NRIP1: variants seen among roughly 807,000 people sequenced by gnomAD.
The protein encoded by NRIP1 is nuclear receptor-interacting protein 1.
A neutral mutation model predicts 75.0 loss-of-function variants in NRIP1; 28 were observed. The ratio of observed to expected loss-of-function variants is 0.37; its 90% CI spans 0.28 to 0.51. The LOEUF is 0.51. Ranked by LOEUF, NRIP1 falls within the 20% of genes least tolerant of loss-of-function variation. NRIP1 has a pLI of 0.92. For missense variants in NRIP1, 1,435 were observed against 1,343.7 expected (o/e 1.07, Z -1.06); for synonymous variants, 526 against 487.6 (o/e 1.08, Z -1.04).
chr21:15,061,519 T>C (rs1331050713), intron 1 of NRIP1, among the ~76,000 whole-genome samples: 1 of 152,126 alleles, frequency 6.6e-6, no homozygotes, highest in African/African-American at 2.4e-5. Context: ...GACTACCATT[T>C]CCTCTTACTA....
intron 2 of NRIP1, among the ~76,000 whole-genome samples, chr21:15,043,057 G>A (rs1223209671): frequency 6.6e-6 from 1 of 152,178 alleles, no homozygotes; most frequent in East Asian, 1.9e-4. Context: ...TCTGATGACA[G>A]ACTGATCCAA....
At chr21:15,045,693 C>T (rs988255632) in intron 1 of NRIP1, among the ~76,000 whole-genome samples, 8 of 152,340 alleles carry the variant, frequency 5.3e-5, no homozygotes, top group African/African-American at 1.2e-4. Context: ...GCATGTAATG[C>T]TGTTTGATAG....
intron 2 of NRIP1, among the ~76,000 whole-genome samples, chr21:15,018,437 A>G (rs2088288224): frequency 6.6e-6 from 1 of 152,198 alleles, no homozygotes; most frequent in African/African-American, 2.4e-5. Context: ...TATTTTACAT[A>G]AAGTGATAAG....
At chr21:14,970,121 A>T (rs1265176305) in intron 3 of NRIP1, among the ~76,000 whole-genome samples, 2 of 152,192 alleles carry the variant, frequency 1.3e-5, no homozygotes, top group Non-Finnish European at 2.9e-5. Flanking sequence ...CTCTGGTTAT[A>T]TTTTACAATT....
At chr21:14,974,473 G>C (rs757525238) in intron 3 of NRIP1, among the ~76,000 whole-genome samples, 16 of 152,138 alleles carry the variant, frequency 1.1e-4, no homozygotes, top group Non-Finnish European at 1.3e-4. Context: ...TAGACTAACA[G>C]CAATTACAAT....
At chr21:14,989,422 G>A (rs1210845544) in intron 3 of NRIP1, among the ~76,000 whole-genome samples, 2 of 152,192 alleles carry the variant, frequency 1.3e-5, no homozygotes, top group Admixed American at 1.3e-4. Context: ...TGAAACTAAA[G>A]TATGCCAATT....
In NRIP1 at chr21:14,965,564, T is replaced by G. The variant is rs759612473; in HGVS notation, c.2629A>C (p.Ile877Leu). Residue 877 changes from isoleucine to leucine, a missense_variant, in exon 4 of 4, where the codon ATT becomes CTT. Ile to Leu is a conservative substitution (Grantham distance 5). Transcript: ENST00000318948. ...CTGTGATTGTTTGCAGCATCAACAA[T>G]GTTGTTTTTCATCTTTTTAAATGGA... The part of the protein sequence containing the change: ...ENPFKKMKNN[I>L]VDAANNHSAP... 6.2e-7 allele frequency: 1 copy of G among 1,614,064 alleles called. No homozygotes were observed. Among genetic ancestry groups the G allele is most frequent in the South Asian group, 1.1e-5 (1 of 91,084 alleles).
chr21:14,966,578 C>T lies in NRIP1; in HGVS notation c.1615G>A (p.Val539Met). 1 of 1,614,092 alleles carries T rather than the reference C, an allele frequency of 6.2e-7. No individual in the cohort carries two copies. Among genetic ancestry groups the T allele is most frequent in the Non-Finnish European group, 8.5e-7 (1 of 1,179,984 alleles). ...CGATTTGTACTGGGGCTTTCTATCA[C>T]AGAAGTCCTTGCATAATTTTGTGTA... ...FNTQNYARTSVIESPSTNRTT... is the reference protein window; with the variant it reads ...FNTQNYARTSMIESPSTNRTT... Residue 539 changes from valine (V) to methionine (M), a missense_variant, in exon 4 of 4, where the codon GTG becomes ATG. Physicochemically the swap from Val to Met is conservative, Grantham distance 21. Transcript: ENST00000318948.
chr21:15,017,838 T>C (rs1267447918), intron 2 of NRIP1, among the ~76,000 whole-genome samples: 2 of 152,254 alleles, frequency 1.3e-5, no homozygotes, highest in Non-Finnish European at 2.9e-5. Flanking sequence ...ACAATGTGTA[T>C]TTGATATTTT....
At chr21:15,010,770 A>AC (rs1395695716) in intron 3 of NRIP1, among the ~76,000 whole-genome samples, 1 of 152,212 alleles carries the variant, frequency 6.6e-6, no homozygotes, top group Non-Finnish European at 1.5e-5. Context: ...GCCTGCCAGC[A>AC]CAAGAGCTCC....
chr21:14,979,957 T>G (rs2087185329), intron 3 of NRIP1, among the ~76,000 whole-genome samples: 1 of 152,216 alleles, frequency 6.6e-6, no homozygotes, highest in South Asian at 2.1e-4. Flanking sequence ...TAATGCTCTC[T>G]CATAATTCCA....
chr21:14,972,194 G>C (rs1425489474), intron 3 of NRIP1, among the ~76,000 whole-genome samples: 1 of 152,116 alleles, frequency 6.6e-6, no homozygotes, highest in Admixed American at 6.5e-5. Context: ...AAGCTCTTCA[G>C]GGAGCAGAGT....
intron 2 of NRIP1, among the ~76,000 whole-genome samples, chr21:15,039,535 T>A (rs1186021527): frequency 2.0e-5 from 3 of 152,072 alleles, no homozygotes; most frequent in Admixed American, 1.3e-4. Context: ...TTGGCAAAAA[T>A]AAACATGAAG....
intron 3 of NRIP1, among the ~76,000 whole-genome samples, chr21:14,978,890 C>A (rs1299794590): frequency 1.3e-5 from 2 of 152,134 alleles, no homozygotes; most frequent in Non-Finnish European, 2.9e-5. Context: ...CAAACAATTT[C>A]TATTTCAAAA....
chr21:14,989,454 T>C (rs1021776165), intron 3 of NRIP1, among the ~76,000 whole-genome samples: 1 of 152,174 alleles, frequency 6.6e-6, no homozygotes, highest in Non-Finnish European at 1.5e-5. Context: ...GTAGGAAACG[T>C]TGACCAAAAC....
intron 3 of NRIP1, chr21:14,991,157 G>A (rs972919978): frequency 6.6e-6 from 1 of 151,718 alleles, no homozygotes. Context: ...AAGAAAAAGA[G>A]GCAAAAGATT....
intron 2 of NRIP1, among the ~76,000 whole-genome samples, chr21:15,037,869 T>A (rs149179375): frequency 6.6e-6 from 1 of 152,260 alleles, no homozygotes; most frequent in African/African-American, 2.4e-5. Flanking sequence ...CTTTGCTGTG[T>A]AGAATGTATT....
At chr21:15,016,959 G>A (rs886363138) in intron 2 of NRIP1, among the ~76,000 whole-genome samples, 28 of 147,010 alleles carry the variant, frequency 1.9e-4, no homozygotes, top group Non-Finnish European at 4.1e-4. Context: ...AGAAAGACAA[G>A]AAAGAAAGAA....
intron 2 of NRIP1, among the ~76,000 whole-genome samples, chr21:15,034,548 T>C (rs1281744728): frequency 3.9e-5 from 6 of 152,226 alleles, no homozygotes; most frequent in African/African-American, 9.6e-5. Flanking sequence ...CCTTGCTTTA[T>C]AGTTCAAACA....
Sources: allele counts gnomAD v4.1 joint callset (sites outside exome capture counted in the v4.1 genomes callset), GRCh38; gene constraint gnomAD v4.1.1; transcripts MANE v1.5; gene names NCBI Gene and HGNC (gene_info 2026-07-23, HGNC 2026-07-21).